The following GPC1 variants were observed in gnomAD, a reference collection of about 807,000 sequenced individuals.
GPC1 encodes the protein glypican-1.
In GPC1, 26 loss-of-function variants were observed where a neutral mutation model predicts 51.5. The ratio of observed to expected loss-of-function variants is 0.50; its 90% CI spans 0.37 to 0.70. The LOEUF (loss-of-function observed/expected upper bound fraction) is 0.70. GPC1 is among the 30% of genes least tolerant of loss of function. The pLI is 0.00. For synonymous variants in GPC1, 380 were observed against 348.3 expected, an observed-to-expected ratio of 1.09 and a Z score of -1.01; for missense variants, 775 against 800.5, an observed-to-expected ratio of 0.97 and a Z score of 0.38.
chr2:240,449,791 C>T (rs759293684), intron 1 of GPC1: 3 of 465,462 alleles, frequency 6.4e-6, no homozygotes, highest in East Asian at 1.4e-4. Flanking sequence ...TCACATAAGT[C>T]GAGTCTTGCC....
chr2:240,457,392 G>A (rs1292372023), intron 1 of GPC1: 2 of 464,092 alleles, frequency 4.3e-6, no homozygotes, highest in Non-Finnish European at 9.0e-6. Flanking sequence ...TCTTGTCTCG[G>A]GCTCCTCCCT....
At chr2:240,459,683 A>T (rs1006709536) in intron 2 of GPC1, among the ~76,000 whole-genome samples, 4 of 151,994 alleles carry the variant, frequency 2.6e-5, no homozygotes, top group African/African-American at 9.7e-5. Context: ...TCAGCCCTTT[A>T]TATCGGGGCA....
chr2:240,437,058 A>T (rs2073988916), intron 1 of GPC1, among the ~76,000 whole-genome samples: 1 of 152,226 alleles, frequency 6.6e-6, no homozygotes, highest in Non-Finnish European at 1.5e-5. Context: ...ACCGCGTGCC[A>T]GGGACCCAGT....
chr2:240,449,739 G>C (rs530195769), intron 1 of GPC1: 1 of 431,380 alleles, frequency 2.3e-6, no homozygotes, highest in Non-Finnish European at 4.8e-6. Flanking sequence ...CCTGGTGCCC[G>C]CCATCCTTTC....
intron 1 of GPC1, among the ~76,000 whole-genome samples, chr2:240,446,448 A>C (rs2074051316): frequency 1.3e-5 from 2 of 152,254 alleles, no homozygotes; most frequent in Non-Finnish European, 2.9e-5. Context: ...ATGAGTGTGT[A>C]GCTTGTGTGA....
chr2:240,451,899 G>A (rs1052484492), intron 1 of GPC1: 2 of 152,990 alleles, frequency 1.3e-5, no homozygotes, highest in African/African-American at 2.4e-5. Context: ...CCCCAAGCAG[G>A]ATCTGGGCAG....
intron 1 of GPC1, among the ~76,000 whole-genome samples, chr2:240,447,269 G>T (rs770341102): frequency 6.6e-6 from 1 of 152,154 alleles, no homozygotes; most frequent in Non-Finnish European, 1.5e-5. Flanking sequence ...GATCCCTCGA[G>T]CTATGCCCCG....
chr2:240,441,359 C>G (rs2074015568), intron 1 of GPC1, among the ~76,000 whole-genome samples: 2 of 151,674 alleles, frequency 1.3e-5, no homozygotes, highest in East Asian at 3.9e-4. Flanking sequence ...CTGGTCAGGT[C>G]TGGCCTGGGG....
At chr2:240,451,459 C>T (rs989703500) in intron 1 of GPC1, 2 of 345,128 alleles carry the variant, frequency 5.8e-6, no homozygotes, top group Admixed American at 4.0e-5. Context: ...GACAACCCCA[C>T]CCTCCCACAG....
rs1441628948 is a variant in GPC1, at chr2:240,448,648, T to A, written c.167-10382T>A. Among the ~76,000 whole-genome samples, 1 of 151,364 alleles carries A rather than the reference T, an allele frequency of 6.6e-6. No individual in the cohort carries two copies. The highest frequency in any genetic ancestry group is 1.5e-5 in the Non-Finnish European group (1 of 67,968). ...TCGGAGCTCACCTTTGGGGAGGCGATCAGGCAGGCACATGACAGGACCACC... is the reference window on the plus strand; with the variant it reads ...TCGGAGCTCACCTTTGGGGAGGCGAACAGGCAGGCACATGACAGGACCACC... On this transcript the variant is annotated intron_variant, in intron 1 of 8. Transcript: ENST00000264039. The surrounding 1 kb of genome is among the most constrained non-coding windows in gnomAD (Gnocchi z 4.5).
At chr2:240,463,860 A>G (rs986965081) in intron 4 of GPC1, 12 of 319,130 alleles carry the variant, frequency 3.8e-5, no homozygotes, top group Admixed American at 4.6e-5. Flanking sequence ...GCACCGTCAC[A>G]TGACAGGCTG....
chr2:240,460,141 A>G (rs2074204475), intron 2 of GPC1, among the ~76,000 whole-genome samples: 1 of 152,010 alleles, frequency 6.6e-6, no homozygotes, highest in Non-Finnish European at 1.5e-5. Context: ...GGAGCCCCCA[A>G]GGCCATTTCC....
chr2:240,438,064 G>T (rs138469890), intron 1 of GPC1, among the ~76,000 whole-genome samples: 1 of 152,310 alleles, frequency 6.6e-6, no homozygotes, highest in East Asian at 1.9e-4. Flanking sequence ...TGATGGGGCA[G>T]GGGATGCTGT....
At position 240,447,892 on chromosome 2, in the gene GPC1, G is replaced by A. The variant is rs74683613; in HGVS notation, c.167-11138G>A. Among the ~76,000 whole-genome samples the A allele has an allele frequency of 7.8e-3, 1,187 of 152,284 alleles. 15 individuals are homozygous for A. Among genetic ancestry groups the A allele is most frequent in the African/African-American group, 0.027 (1,130 of 41,560 alleles). Reference sequence around the variant, plus strand: ...CACATCTGCCTGGACAGGAGGCCCCGTCATTGTCACCGGCGCAGCTGCTTC... The same window carrying A: ...CACATCTGCCTGGACAGGAGGCCCCATCATTGTCACCGGCGCAGCTGCTTC... On this transcript the variant is annotated intron_variant, in intron 1 of 8. Coordinates refer to ENST00000264039, the MANE Select transcript of GPC1 (RefSeq NM_002081.3).
chr2:240,436,137 G>C (rs953223679), intron 1 of GPC1, 53 bp downstream of exon 1: 4 of 1,169,908 alleles, frequency 3.4e-6, no homozygotes, highest in Non-Finnish European at 3.2e-6. Context: ...TTTGGGCTCC[G>C]GACCCTGGTC....
At chr2:240,445,941 T>C (rs1297492660) in intron 1 of GPC1, among the ~76,000 whole-genome samples, 1 of 152,246 alleles carries the variant, frequency 6.6e-6, no homozygotes, top group African/African-American at 2.4e-5. Flanking sequence ...CAATTCGTTG[T>C]ATCACATTCT....
intron 1 of GPC1, chr2:240,453,082 C>T: frequency 3.3e-6 from 1 of 303,792 alleles, no homozygotes; most frequent in Non-Finnish European, 6.4e-6. Context: ...GCAGCGCCAC[C>T]GTACCCGCAT....
chr2:240,435,900 G>GGGCGCCGCC lies in GPC1; in HGVS notation c.-15_-7dup. On this transcript the variant is annotated 5_prime_UTR_variant, in exon 1 of 9. Coordinates refer to ENST00000264039, the MANE Select transcript of GPC1 (RefSeq NM_002081.3). ...GAGAGAGGCGCGGGCGGGTGGCCGG[G>GGGCGCCGCC]GGCGCCGCCGGCCCCGCCATGGAGC... 8.1e-7 allele frequency: 1 copy of GGGCGCCGCC among 1,228,054 alleles called. No individual in the cohort carries two copies. The highest frequency in any genetic ancestry group is 1.0e-6 in the Non-Finnish European group (1 of 983,600). The allele number at this position is 1,228,054 out of a possible 1,614,324, so 76.1% of individuals were successfully genotyped here. A position where few individuals can be genotyped will look rare whatever the true frequency, so the allele number is the denominator to read the frequency against.
chr2:240,439,176 C>T (rs2074002568), intron 1 of GPC1, among the ~76,000 whole-genome samples: 1 of 152,128 alleles, frequency 6.6e-6, no homozygotes, highest in Admixed American at 6.5e-5. Context: ...TCGCTGGGAC[C>T]ACCTCTAACT....
Sources: allele counts gnomAD v4.1 joint callset (sites outside exome capture counted in the v4.1 genomes callset), GRCh38; gene constraint gnomAD v4.1.1; non-coding constraint Gnocchi (gnomAD v3.1); transcripts MANE v1.5; gene names NCBI Gene and HGNC (gene_info 2026-07-23, HGNC 2026-07-21).